Variants in FGF9 observed in about 807,000 individuals in gnomAD.
The protein encoded by FGF9 is fibroblast growth factor 9 (glia-activating factor).
A neutral mutation model predicts 19.9 loss-of-function variants in FGF9; 3 were observed. That is an observed-to-expected ratio of 0.15 (90% CI 0.07 to 0.39). The LOEUF (loss-of-function observed/expected upper bound fraction) is 0.39. Among genes scored for constraint, FGF9 ranks in the 10% least tolerant of loss-of-function variants. The pLI is 1.00. For missense variants in FGF9, 175 were observed against 256.8 expected, an observed-to-expected ratio of 0.68 and a Z score of 2.18; for synonymous variants, 107 against 106.9, an observed-to-expected ratio of 1.00 and a Z score of -0.01.
rs1872584155 is a variant in FGF9 at position 21,703,033 on chromosome 13, G to A, written c.*1598G>A. 6.6e-6 allele frequency: 1 copy of A among 152,102 alleles called. No homozygotes were observed. The highest frequency in any genetic ancestry group is 1.5e-5 in the Non-Finnish European group (1 of 68,028). 9.4% of individuals were successfully genotyped at this position (152,102 alleles called of 1,614,324 possible). A position where few individuals can be genotyped will look rare whatever the true frequency, so the allele number is the denominator to read the frequency against. On this transcript the variant is annotated 3_prime_UTR_variant, in exon 3 of 3. Transcript: ENST00000382353. ...GCAATAATTTTGGAACTTGCCCTTG[G>A]GCAAGCGAGACTATTTCTTACTATA...
At chr13:21,693,394 G>A (rs1282203053) in intron 2 of FGF9, among the ~76,000 whole-genome samples, 1 of 152,054 alleles carries the variant, frequency 6.6e-6, no homozygotes, top group Non-Finnish European at 1.5e-5. Flanking sequence ...GGGTGCTGAG[G>A]GGACATGGGC....
intron 2 of FGF9, among the ~76,000 whole-genome samples, chr13:21,699,125 C>T (rs1007357158): frequency 2.6e-5 from 4 of 152,194 alleles, no homozygotes; most frequent in African/African-American, 9.7e-5. Flanking sequence ...GTTGGGTTGC[C>T]CCAGAAGAGC....
chr13:21,694,202 C>T (rs1336353430), intron 2 of FGF9, among the ~76,000 whole-genome samples: 1 of 152,188 alleles, frequency 6.6e-6, no homozygotes, highest in Non-Finnish European at 1.5e-5. Flanking sequence ...GGAAGGTCAG[C>T]ATGCCTCTAC....
At chr13:21,679,154 A>G (rs1287564783) in intron 1 of FGF9, among the ~76,000 whole-genome samples, 1 of 152,252 alleles carries the variant, frequency 6.6e-6, no homozygotes, top group African/African-American at 2.4e-5. Context: ...AGATTATCAG[A>G]TTCAAAACAC....
At chr13:21,688,093 G>A (rs542552342) in intron 2 of FGF9, among the ~76,000 whole-genome samples, 5 of 152,276 alleles carry the variant, frequency 3.3e-5, no homozygotes, top group African/African-American at 4.8e-5. Context: ...CCTTGTCTCC[G>A]TCAGGTGCTC....
At chr13:21,684,207 T>A (rs377045163) in intron 2 of FGF9, among the ~76,000 whole-genome samples, 22 of 152,372 alleles carry the variant, frequency 1.4e-4, no homozygotes, top group African/African-American at 5.3e-4. Flanking sequence ...TAGCATTTCT[T>A]ATGTTTTCCT....
At position 21,691,332 on chromosome 13, in the gene FGF9, A is replaced by C. The variant is rs1179847358; in HGVS notation, c.382-9858A>C. Among the ~76,000 whole-genome samples the C allele has an allele frequency of 6.6e-6, 1 of 152,236 alleles. No homozygotes were observed. The highest frequency in any genetic ancestry group is 1.5e-5 in the Non-Finnish European group (1 of 68,042). ...TTGGAGAGCTTGCAGGAGGGAGCTTAATTCTAGGAGTAGGAGAGAATGTCA... is the reference window on the plus strand; with the variant it reads ...TTGGAGAGCTTGCAGGAGGGAGCTTCATTCTAGGAGTAGGAGAGAATGTCA... On this transcript the variant is annotated intron_variant, in intron 2 of 2. Coordinates refer to ENST00000382353, the MANE Select transcript of FGF9 (RefSeq NM_002010.3). The surrounding 1 kb of genome is among the most constrained non-coding windows in gnomAD (Gnocchi z 4.2).
chr13:21,688,360 C>T (rs911246741), intron 2 of FGF9, among the ~76,000 whole-genome samples: 8 of 152,200 alleles, frequency 5.3e-5, no homozygotes, highest in African/African-American at 1.2e-4. Flanking sequence ...TGGTTTTCAA[C>T]GGATATTTTG....
chr13:21,701,065 G>A, intron 2 of FGF9, 125 bp from the exon 3 acceptor site: 1 of 723,256 alleles, frequency 1.4e-6, no homozygotes, highest in Non-Finnish European at 2.4e-6. Flanking sequence ...AGGATGCGCA[G>A]GTTTGTTAAA....
intron 1 of FGF9, among the ~76,000 whole-genome samples, chr13:21,680,340 G>A (rs1338985052): frequency 6.6e-6 from 1 of 152,090 alleles, no homozygotes; most frequent in African/African-American, 2.4e-5. Context: ...TCTAGATAGA[G>A]TTAAAAAAAG....
rs191892786 is a variant in FGF9, at chr13:21,692,441, C to T, written c.382-8749C>T. Among the ~76,000 whole-genome samples the T allele has an allele frequency of 4.4e-3, 673 of 152,290 alleles. 4 individuals carry two copies. The highest frequency in any genetic ancestry group is 2.5e-3 in the Non-Finnish European group (173 of 68,028). ...GGAGACTCTAGTCTATACTTGCATG[C>T]TGACCAGTTGCAACTTGGAGATGAA... On this transcript the variant is annotated intron_variant, in intron 2 of 2. Coordinates refer to ENST00000382353, the MANE Select transcript of FGF9 (RefSeq NM_002010.3).
chr13:21,687,408 A>T (rs1414480444), intron 2 of FGF9, among the ~76,000 whole-genome samples: 3 of 152,256 alleles, frequency 2.0e-5, no homozygotes, highest in Non-Finnish European at 2.9e-5. Context: ...AGATAACTAG[A>T]TATAAATTCC....
chr13:21,688,823 C>T (rs1872220190), intron 2 of FGF9, among the ~76,000 whole-genome samples: 1 of 150,040 alleles, frequency 6.7e-6, no homozygotes, highest in African/African-American at 2.4e-5. Flanking sequence ...ATCTATACTG[C>T]TGGCCATTAG....
chr13:21,696,703 A>G (rs1872417786), intron 2 of FGF9, among the ~76,000 whole-genome samples: 1 of 152,156 alleles, frequency 6.6e-6, no homozygotes, highest in South Asian at 2.1e-4. Flanking sequence ...TCATTTACTT[A>G]TTTTTTATTT....
At chr13:21,689,512 A>T (rs1229229497) in intron 2 of FGF9, among the ~76,000 whole-genome samples, 1 of 152,010 alleles carries the variant, frequency 6.6e-6, no homozygotes, top group Non-Finnish European at 1.5e-5. Context: ...TTGATTCTTG[A>T]ATAGGTATTT....
intron 1 of FGF9, among the ~76,000 whole-genome samples, chr13:21,675,137 C>T (rs1394766949): frequency 1.3e-5 from 2 of 151,858 alleles, no homozygotes; most frequent in African/African-American, 4.8e-5. Flanking sequence ...AGCCCGTCGG[C>T]CTGGCGTCGG....
In FGF9 at chr13:21,671,366, C is replaced by T; in HGVS notation, c.-547C>T. On this transcript the variant is annotated 5_prime_UTR_variant, in exon 1 of 3. Coordinates refer to ENST00000382353, the MANE Select transcript of FGF9 (RefSeq NM_002010.3). ...GGGAGGGGAGATTTGTCGCCGCCAC[C>T]AACGTGAGATTTTTTTTTCCCCTTG... The T allele has an allele frequency of 2.5e-6, 1 of 395,946 alleles. No individual in the cohort carries two copies. The highest frequency in any genetic ancestry group is 4.4e-6 in the Non-Finnish European group (1 of 225,138). 24.5% of individuals were successfully genotyped at this position (395,946 alleles called of 1,614,324 possible). A position where few individuals can be genotyped will look rare whatever the true frequency, so the allele number is the denominator to read the frequency against.
chr13:21,700,137 G>T (rs1047613807), intron 2 of FGF9, among the ~76,000 whole-genome samples: 1 of 152,000 alleles, frequency 6.6e-6, no homozygotes, highest in South Asian at 2.1e-4. Context: ...CATAAAGCTC[G>T]AGTAGAGAGG....
chr13:21,683,640 C>T (rs959042881), intron 2 of FGF9, among the ~76,000 whole-genome samples: 5 of 152,284 alleles, frequency 3.3e-5, no homozygotes, highest in Admixed American at 1.3e-4. Flanking sequence ...GCTCTTCTTC[C>T]GTGTGTGCTT....
Sources: gnomAD v4.1 joint callset for allele counts (sites outside exome capture counted in the v4.1 genomes callset) on GRCh38, gnomAD v4.1.1 for gene constraint, Gnocchi (gnomAD v3.1) non-coding constraint, MANE v1.5 for transcripts, NCBI Gene and HGNC (gene_info 2026-07-23, HGNC 2026-07-21) for gene names.